Variants in GALNTL6 observed in about 807,000 individuals in gnomAD.
GALNTL6 encodes the protein polypeptide N-acetylgalactosaminyltransferase like 6.
Under a neutral mutation model 73.7 loss-of-function variants are expected in GALNTL6, and 46 were observed. The ratio of observed to expected loss-of-function variants is 0.62; its 90% CI spans 0.49 to 0.80. The LOEUF is 0.80. GALNTL6 is among the 30% of genes least tolerant of loss of function. The pLI, the probability that GALNTL6 is intolerant of heterozygous loss-of-function variation, is 0.00. For synonymous variants in GALNTL6, 259 were observed against 263.7 expected, an observed-to-expected ratio of 0.98 and a Z score of 0.17; for missense variants, 604 against 755.0, an observed-to-expected ratio of 0.80 and a Z score of 2.34.
chr4:171,851,066 A>G lies in GALNTL6; in HGVS notation c.138+36348A>G, dbSNP rs143888149. ...GCTCAGGGCATTTCTCGTAGTGTAT[A>G]ATTCACAAGACAAAAATTGAAGTAT... On this transcript the variant is annotated intron_variant, in intron 2 of 12. Transcript: ENST00000506823. Among the ~76,000 whole-genome samples, 937 of 152,324 alleles carry G rather than the reference A, an allele frequency of 6.2e-3. 12 individuals carry two copies. Among genetic ancestry groups the G allele is most frequent in the African/African-American group, 0.021 (868 of 41,570 alleles).
chr4:172,378,581 G>T (rs928327383), intron 5 of GALNTL6, among the ~76,000 whole-genome samples: 1 of 151,736 alleles, frequency 6.6e-6, no homozygotes, highest in Non-Finnish European at 1.5e-5. Flanking sequence ...AAAGATGTTT[G>T]GTTTTGTTGT....
intron 2 of GALNTL6, among the ~76,000 whole-genome samples, chr4:172,092,861 A>G (rs1480283049): frequency 1.4e-5 from 2 of 146,076 alleles, no homozygotes; most frequent in Non-Finnish European, 3.0e-5. Context: ...GCTAAAGCTA[A>G]TTTTTTTTCT....
intron 2 of GALNTL6, among the ~76,000 whole-genome samples, chr4:172,153,505 A>T (rs1734161212): frequency 6.6e-6 from 1 of 152,232 alleles, no homozygotes; most frequent in Non-Finnish European, 1.5e-5. Flanking sequence ...TTACAAAAAA[A>T]GATGAAGTCA....
chr4:172,203,448 A>G (rs535385267), intron 2 of GALNTL6, among the ~76,000 whole-genome samples: 265 of 152,342 alleles, frequency 1.7e-3, no homozygotes, highest in African/African-American at 6.0e-3. Flanking sequence ...AAAGTATTTG[A>G]AAAATTAAAA....
At chr4:172,278,214 G>C (rs1459128307) in intron 3 of GALNTL6, among the ~76,000 whole-genome samples, 1 of 152,048 alleles carries the variant, frequency 6.6e-6, no homozygotes, top group Non-Finnish European at 1.5e-5. Flanking sequence ...ACTTATTTAA[G>C]TTTTTTAAGT....
At chr4:172,434,278 A>C (rs188724193) in intron 5 of GALNTL6, among the ~76,000 whole-genome samples, 1 of 152,222 alleles carries the variant, frequency 6.6e-6, no homozygotes, top group Admixed American at 6.6e-5. Flanking sequence ...TACTCTTAGA[A>C]GTATTCCATT....
chr4:171,990,287 T>C lies in GALNTL6; in HGVS notation c.138+175569T>C, dbSNP rs145690402. ...ATGTATTGGGCAGCCTTCTAAGTAC[T>C]TCATATTTATTAATTCACTTATTTT... On this transcript the variant is annotated intron_variant, in intron 2 of 12. Coordinates refer to ENST00000506823, the MANE Select transcript of GALNTL6 (RefSeq NM_001034845.3). Among the ~76,000 whole-genome samples the C allele has an allele frequency of 2.1e-3, 327 of 152,316 alleles. 5 individuals are homozygous for C. Among genetic ancestry groups the C allele is most frequent in the African/African-American group, 7.3e-3 (303 of 41,568 alleles).
At chr4:172,151,982 CT>C (rs1316283647) in intron 2 of GALNTL6, among the ~76,000 whole-genome samples, 2 of 98,846 alleles carry the variant, frequency 2.0e-5, no homozygotes, top group Admixed American at 2.2e-4. Flanking sequence ...ATCTATCTAT[CT>C]ATCTATGTTT....
chr4:171,904,545 A>T, intron 2 of GALNTL6, among the ~76,000 whole-genome samples: 1 of 152,204 alleles, frequency 6.6e-6, no homozygotes, highest in Admixed American at 6.5e-5. Flanking sequence ...GACGGGGAGA[A>T]TGGAACCAAG....
At chr4:173,007,763 G>A (rs562822182) in intron 10 of GALNTL6, among the ~76,000 whole-genome samples, 268 of 151,958 alleles carry the variant, frequency 1.8e-3, no homozygotes, top group African/African-American at 6.1e-3. Context: ...CCGAGATTGC[G>A]CCACTGCACT....
In GALNTL6 at chr4:172,241,841, G is replaced by A. The variant is rs138840901; in HGVS notation, c.247+12077G>A. ...TCATTTAACTAGTTTTATATTTTGT[G>A]AGAATTTATTGACACTGTATTTTAT... is the stretch of plus-strand genomic sequence containing the variant. On this transcript the variant is annotated intron_variant, in intron 3 of 12. Coordinates refer to ENST00000506823, the MANE Select transcript of GALNTL6 (RefSeq NM_001034845.3). Among the ~76,000 whole-genome samples, 649 of 152,166 alleles carry A rather than the reference G, an allele frequency of 4.3e-3. 2 individuals are homozygous for A. Among genetic ancestry groups the A allele is most frequent in the African/African-American group, 0.011 (439 of 41,524 alleles).
chr4:172,155,972 A>T (rs6828849), intron 2 of GALNTL6, among the ~76,000 whole-genome samples: 69,341 of 151,634 alleles, frequency 0.46, 16,756 homozygotes, highest in African/African-American at 0.61. Flanking sequence ...TTCAAAAGAT[A>T]ATTTTTACCT....
chr4:171,868,058 T>G (rs190245605), intron 2 of GALNTL6, among the ~76,000 whole-genome samples: 6 of 151,014 alleles, frequency 4.0e-5, no homozygotes, highest in African/African-American at 1.5e-4. Flanking sequence ...ATGATCATAG[T>G]TTACTGCAGC....
chr4:172,084,845 T>A (rs988422516), intron 2 of GALNTL6, among the ~76,000 whole-genome samples: 1 of 152,090 alleles, frequency 6.6e-6, no homozygotes, highest in Non-Finnish European at 1.5e-5. Flanking sequence ...AGAAGGAGAA[T>A]AGACACAGCC....
At position 172,770,062 on chromosome 4, in the gene GALNTL6, G is replaced by A. The variant is rs757267647; in HGVS notation, c.554-39299G>A. Among the ~76,000 whole-genome samples, 36 of 152,054 alleles carry A rather than the reference G, an allele frequency of 2.4e-4. 1 individual carries two copies. The highest frequency in any genetic ancestry group is 5.9e-4 in the Admixed American group (9 of 15,256). ...GTGGGTCACCTGAGGTCAGGAGTTC[G>A]AAACCAGCCTGACCAACGGGGTGAA... On this transcript the variant is annotated intron_variant, in intron 5 of 12. Transcript: ENST00000506823.
chr4:172,665,109 G>A (rs1003261431), intron 5 of GALNTL6, among the ~76,000 whole-genome samples: 13 of 152,104 alleles, frequency 8.5e-5, no homozygotes, highest in African/African-American at 2.7e-4. Flanking sequence ...AGAATAACAC[G>A]AGCTAACCTC....
At chr4:172,867,316 C>T (rs1744710807) in intron 7 of GALNTL6, among the ~76,000 whole-genome samples, 7 of 152,142 alleles carry the variant, frequency 4.6e-5, no homozygotes, top group Admixed American at 4.6e-4. Flanking sequence ...CTATGGAGTG[C>T]ACTTCCTGAC....
intron 7 of GALNTL6, among the ~76,000 whole-genome samples, chr4:172,814,358 A>G (rs1018294764): frequency 3.3e-5 from 5 of 152,142 alleles, no homozygotes; most frequent in African/African-American, 9.7e-5. Flanking sequence ...CTGTTTTTTC[A>G]GTGTGGACAT....
chr4:172,931,996 C>A (rs994992206), intron 9 of GALNTL6, among the ~76,000 whole-genome samples: 1 of 152,148 alleles, frequency 6.6e-6, no homozygotes, highest in Non-Finnish European at 1.5e-5. Context: ...TTGTCACCAC[C>A]ATATGTACCT....
Sources: gnomAD v4.1 joint callset for allele counts (sites outside exome capture counted in the v4.1 genomes callset) on GRCh38, gnomAD v4.1.1 for gene constraint, MANE v1.5 for transcripts, NCBI Gene and HGNC (gene_info 2026-07-23, HGNC 2026-07-21) for gene names.